Variants in CADPS2 observed in about 807,000 individuals in gnomAD.
CADPS2 encodes calcium dependent secretion activator 2.
A neutral mutation model predicts 172.5 loss-of-function variants in CADPS2; 93 were observed. That is an observed-to-expected ratio of 0.54 (90% CI 0.46 to 0.64). The LOEUF is 0.64. CADPS2 is among the 30% of genes least tolerant of loss of function. CADPS2 has a pLI of 0.00. For synonymous variants in CADPS2, 546 were observed against 555.2 expected (o/e 0.98, Z 0.23); for missense variants, 1,420 against 1,565.9 (o/e 0.91, Z 1.57).
intron 1 of CADPS2, among the ~76,000 whole-genome samples, chr7:122,833,314 A>C (rs1421279025): frequency 6.6e-6 from 1 of 152,210 alleles, no homozygotes; most frequent in Non-Finnish European, 1.5e-5. Context: ...AATTCAAGAA[A>C]GAATTAATAA....
intron 15 of CADPS2, among the ~76,000 whole-genome samples, chr7:122,448,122 T>C (rs541433224): frequency 6.8e-6 from 1 of 146,368 alleles, no homozygotes; most frequent in East Asian, 1.9e-4. Context: ...TAAAGTTTTG[T>C]TCACTGTCTG....
chr7:122,820,057 G>A (rs1285906587), intron 1 of CADPS2, among the ~76,000 whole-genome samples: 1 of 152,100 alleles, frequency 6.6e-6, no homozygotes, highest in Non-Finnish European at 1.5e-5. Context: ...GTTAGTTCAG[G>A]ATCTGTGCCT....
intron 6 of CADPS2, among the ~76,000 whole-genome samples, chr7:122,583,892 C>G (rs2069239153): frequency 6.6e-6 from 1 of 150,942 alleles, no homozygotes; most frequent in African/African-American, 2.4e-5. Flanking sequence ...TATACATACA[C>G]TCACACACAT....
In CADPS2 at chr7:122,393,195, C is replaced by G; in HGVS notation, c.3008+1G>C. 1.2e-6 allele frequency: 2 copies of G among 1,613,292 alleles called. No individual in the cohort carries two copies. The highest frequency in any genetic ancestry group is 1.7e-6 in the Non-Finnish European group (2 of 1,179,628). The stretch of plus-strand genomic sequence containing the variant: ...CCAGGAAATAAGTGAGGAATACACA[C>G]GTGGACTCATATAAAGAAGGCATCC... On this transcript the variant is annotated splice_donor_variant, in intron 22 of 29. Coordinates refer to ENST00000449022, the MANE Select transcript of CADPS2 (RefSeq NM_017954.11). LOFTEE classifies it high-confidence loss of function.
intron 27 of CADPS2, among the ~76,000 whole-genome samples, chr7:122,357,580 AC>A (rs1253905249): frequency 1.3e-5 from 2 of 152,206 alleles, no homozygotes; most frequent in African/African-American, 4.8e-5. Flanking sequence ...ATCTACCATT[AC>A]AATATCATAC....
At chr7:122,385,301 T>A (rs1238942212) in intron 24 of CADPS2, among the ~76,000 whole-genome samples, 1 of 152,092 alleles carries the variant, frequency 6.6e-6, no homozygotes, top group Non-Finnish European at 1.5e-5. Context: ...ATACATTTTT[T>A]TTTCTGCTGA....
chr7:122,730,929 A>T (rs941429297), intron 2 of CADPS2, among the ~76,000 whole-genome samples: 1 of 151,628 alleles, frequency 6.6e-6, no homozygotes, highest in African/African-American at 2.4e-5. Context: ...GGCCAGAATT[A>T]GAACATTTTT....
At chr7:122,878,973 C>T (rs1052080184) in intron 1 of CADPS2, among the ~76,000 whole-genome samples, 1 of 152,164 alleles carries the variant, frequency 6.6e-6, no homozygotes, top group African/African-American at 2.4e-5. Flanking sequence ...TCTTGACTCA[C>T]ACTTGCAATC....
At chr7:122,350,476 G>C (rs1327776285) in intron 27 of CADPS2, among the ~76,000 whole-genome samples, 1 of 152,056 alleles carries the variant, frequency 6.6e-6, no homozygotes. Context: ...ATTTGAAGTA[G>C]TTTAAATAAG....
At chr7:122,723,368 C>T (rs572192350) in intron 2 of CADPS2, among the ~76,000 whole-genome samples, 8 of 151,948 alleles carry the variant, frequency 5.3e-5, no homozygotes, top group Non-Finnish European at 8.8e-5. Context: ...GTGGGCAAAG[C>T]ATATGAACAG....
chr7:122,837,821 G>T (rs2140843732), intron 1 of CADPS2, among the ~76,000 whole-genome samples: 1 of 152,128 alleles, frequency 6.6e-6, no homozygotes, highest in Middle Eastern at 3.4e-3. Flanking sequence ...CAGCACCACA[G>T]GGATTCACAG....
chr7:122,435,857 A>C (rs1251942369), intron 17 of CADPS2, among the ~76,000 whole-genome samples: 4 of 152,150 alleles, frequency 2.6e-5, no homozygotes, highest in African/African-American at 9.6e-5. Flanking sequence ...TTAATAGTAA[A>C]ATAAGCCAGT....
intron 1 of CADPS2, among the ~76,000 whole-genome samples, chr7:122,767,976 A>G (rs1274607493): frequency 6.6e-6 from 1 of 152,176 alleles, no homozygotes; most frequent in Non-Finnish European, 1.5e-5. Flanking sequence ...TTCTAGAAAA[A>G]TAAGTGATAT....
chr7:122,373,405 T>C (rs2041997392), intron 25 of CADPS2, among the ~76,000 whole-genome samples: 1 of 152,182 alleles, frequency 6.6e-6, no homozygotes, highest in South Asian at 2.1e-4. Context: ...GTAATTTTTT[T>C]GTGTATGTGT....
Position 122,471,497 on chromosome 7 carries a change from GCCTCTCA to G in CADPS2, c.2057_2063del (p.Val686AlafsTer12), listed in dbSNP as rs781046146. 3 of 1,612,600 alleles carry G rather than the reference GCCTCTCA, an allele frequency of 1.9e-6. No homozygotes were observed. Among genetic ancestry groups the G allele is most frequent in the Non-Finnish European group, 2.5e-6 (3 of 1,179,292 alleles). Reference sequence around the variant, plus strand: ...CAAGGTAGCAGAGATGTCTGTGACAGCCTCTCACACCATAACGGGCACAGTACTCATC... The same window carrying G: ...CAAGGTAGCAGAGATGTCTGTGACAGCACCATAACGGGCACAGTACTCATC... On this transcript the variant is annotated frameshift_variant, in exon 14 of 30. Coordinates refer to ENST00000449022, the MANE Select transcript of CADPS2 (RefSeq NM_017954.11). LOFTEE classifies it high-confidence loss of function.
chr7:122,573,840 A>G (rs2067596377), intron 7 of CADPS2, among the ~76,000 whole-genome samples: 1 of 152,152 alleles, frequency 6.6e-6, no homozygotes, highest in Non-Finnish European at 1.5e-5. Context: ...TTTAGCTTAA[A>G]TAATATTTGA....
intron 29 of CADPS2, among the ~76,000 whole-genome samples, chr7:122,323,873 T>TTTTATATATATA (rs1390141913): frequency 2.7e-5 from 3 of 112,550 alleles, no homozygotes; most frequent in African/African-American, 8.0e-5. Context: ...TATGTATATT[T>TTTTATATATATA]TATATATATA....
chr7:122,818,652 C>A (rs1802221995), intron 1 of CADPS2, among the ~76,000 whole-genome samples: 1 of 152,156 alleles, frequency 6.6e-6, no homozygotes. Flanking sequence ...TGCTCCTCCA[C>A]CCTATAATCT....
intron 14 of CADPS2, among the ~76,000 whole-genome samples, chr7:122,457,493 C>G (rs1419853469): frequency 6.6e-6 from 1 of 152,198 alleles, no homozygotes; most frequent in Non-Finnish European, 1.5e-5. Flanking sequence ...CAATGACCCT[C>G]AGGGATGCCC....
Sources: gnomAD v4.1 joint callset for allele counts (sites outside exome capture counted in the v4.1 genomes callset) on GRCh38, gnomAD v4.1.1 for gene constraint, MANE v1.5 for transcripts, NCBI Gene and HGNC (gene_info 2026-07-23, HGNC 2026-07-21) for gene names.